The following TMCO5A variants were observed in gnomAD, a reference collection of about 807,000 sequenced individuals.
The protein encoded by TMCO5A is transmembrane and coiled-coil domains 5A.
A neutral mutation model predicts 42.3 loss-of-function variants in TMCO5A; 34 were observed. The ratio of observed to expected loss-of-function variants is 0.80; its 90% CI spans 0.61 to 1.07. TMCO5A has a LOEUF of 1.07. Ranked by LOEUF, TMCO5A falls within the 50% of genes least tolerant of loss-of-function variation. The pLI, the probability that TMCO5A is intolerant of heterozygous loss-of-function variation, is 0.00. For synonymous variants in TMCO5A, 131 were observed against 115.6 expected (o/e 1.13, Z -0.86); for missense variants, 357 against 327.9 (o/e 1.09, Z -0.69).
At chr15:38,011,599 C>CT in the TMCO5A span, among the ~76,000 whole-genome samples, 17 of 151,934 alleles carry the variant, frequency 1.1e-4, no homozygotes, top group South Asian at 4.2e-4. Context: ...ACCTGCTGAC[C>CT]TTTTTTTTGA....
chr15:37,992,529 G>A, the TMCO5A span, among the ~76,000 whole-genome samples: 4 of 152,132 alleles, frequency 2.6e-5, no homozygotes, highest in South Asian at 4.1e-4. Flanking sequence ...TCATTCTATC[G>A]TAAGGACACA....
At chr15:37,952,128 G>A (rs144011282), downstream of TMCO5A, among the ~76,000 whole-genome samples, 22 of 152,208 alleles carry the variant, frequency 1.4e-4, no homozygotes, top group African/African-American at 4.8e-4. Context: ...AAGCCTTGCC[G>A]CTGCCAAGCT....
At chr15:38,033,917 C>T in the TMCO5A span, among the ~76,000 whole-genome samples, 1 of 152,116 alleles carries the variant, frequency 6.6e-6, no homozygotes, top group Non-Finnish European at 1.5e-5. Context: ...CCTGGTCCCC[C>T]TCCATGTCTT....
At chr15:38,010,477 TG>T in the TMCO5A span, among the ~76,000 whole-genome samples, 6 of 125,452 alleles carry the variant, frequency 4.8e-5, no homozygotes, top group East Asian at 1.4e-3. Context: ...CATGTGAAGA[TG>T]GGGGTAGACA....
the TMCO5A span, among the ~76,000 whole-genome samples, chr15:38,032,456 C>T: frequency 6.6e-6 from 1 of 152,184 alleles, no homozygotes; most frequent in Non-Finnish European, 1.5e-5. Context: ...CGTAAAGGGG[C>T]AAAACAGGCA....
chr15:38,032,127 G>T, the TMCO5A span, among the ~76,000 whole-genome samples: 1 of 151,968 alleles, frequency 6.6e-6, no homozygotes, highest in Non-Finnish European at 1.5e-5. Flanking sequence ...GGCTAATTTT[G>T]TATTTTTAGT....
chr15:37,996,048 A>G, the TMCO5A span, among the ~76,000 whole-genome samples: 1 of 152,204 alleles, frequency 6.6e-6, no homozygotes, highest in African/African-American at 2.4e-5. Context: ...CACCTAAAAT[A>G]GATGGGTTCA....
chr15:37,981,421 A>G, the TMCO5A span, among the ~76,000 whole-genome samples: 5 of 152,238 alleles, frequency 3.3e-5, no homozygotes, highest in Non-Finnish European at 7.3e-5. Context: ...TACTGCAGCT[A>G]TTAACTTTGC....
At chr15:37,979,860 C>A in the TMCO5A span, among the ~76,000 whole-genome samples, 1 of 152,226 alleles carries the variant, frequency 6.6e-6, no homozygotes, top group South Asian at 2.1e-4. Flanking sequence ...GTTGGGAGGC[C>A]CTGCCCACTG....
chr15:37,954,521 C>CA (rs1890236260), downstream of TMCO5A, among the ~76,000 whole-genome samples: 1 of 152,032 alleles, frequency 6.6e-6, no homozygotes, highest in Non-Finnish European at 1.5e-5. Context: ...GGGACTTCAT[C>CA]AACACCACAC....
At chr15:38,014,853 T>TTTTATACATA in the TMCO5A span, among the ~76,000 whole-genome samples, 1 of 54,664 alleles carries the variant, frequency 1.8e-5, no homozygotes, top group African/African-American at 7.7e-5. Flanking sequence ...AGGAGAAAGA[T>TTTTATACATA]TATATATATA....
chr15:38,015,927 A>G, the TMCO5A span, among the ~76,000 whole-genome samples: 1 of 152,230 alleles, frequency 6.6e-6, no homozygotes, highest in Non-Finnish European at 1.5e-5. Context: ...GAATATGCAG[A>G]GCATAGAGGA....
chr15:37,973,323 G>A, the TMCO5A span, among the ~76,000 whole-genome samples: 1 of 151,966 alleles, frequency 6.6e-6, no homozygotes, highest in African/African-American at 2.4e-5. Context: ...TTATAATTAT[G>A]TGAAGAATGC....
chr15:37,999,374 T>G, the TMCO5A span, among the ~76,000 whole-genome samples: 1 of 152,232 alleles, frequency 6.6e-6, no homozygotes, highest in African/African-American at 2.4e-5. Flanking sequence ...TCTTGTATGT[T>G]GATTTTGCAG....
At chr15:37,992,966 A>G in the TMCO5A span, among the ~76,000 whole-genome samples, 1 of 152,206 alleles carries the variant, frequency 6.6e-6, no homozygotes, top group Non-Finnish European at 1.5e-5. Flanking sequence ...ATTTACCTAT[A>G]TAACAAACTT....
the TMCO5A span, among the ~76,000 whole-genome samples, chr15:38,016,717 C>A: frequency 1.3e-5 from 2 of 152,138 alleles, no homozygotes; most frequent in South Asian, 4.2e-4. Flanking sequence ...TGGAATGCTC[C>A]TGCTTTAAAT....
At chr15:37,992,528 C>T in the TMCO5A span, among the ~76,000 whole-genome samples, 64 of 152,152 alleles carry the variant, frequency 4.2e-4, no homozygotes, top group Admixed American at 4.1e-3. Context: ...ATCATTCTAT[C>T]GTAAGGACAC....
At chr15:38,029,345 C>A in the TMCO5A span, among the ~76,000 whole-genome samples, 1 of 71,754 alleles carries the variant, frequency 1.4e-5, no homozygotes, top group Non-Finnish European at 3.5e-5. Context: ...CATGTTCACA[C>A]AAACATGTGT....
intron 9 of TMCO5A, chr15:37,942,736 T>C (rs978064279): frequency 6.4e-6 from 1 of 155,966 alleles, no homozygotes; most frequent in Non-Finnish European, 1.4e-5. Context: ...GTACACTGTA[T>C]TGAACTACGA....
Sources: gnomAD v4.1 joint callset for allele counts (sites outside exome capture counted in the v4.1 genomes callset) on GRCh38, gnomAD v4.1.1 for gene constraint, MANE v1.5 for transcripts, NCBI Gene and HGNC (gene_info 2026-07-23, HGNC 2026-07-21) for gene names.